Variants in NTM observed in about 807,000 individuals in gnomAD.
NTM encodes IgLON family member 2.
In NTM, 13 loss-of-function variants were observed where a neutral mutation model predicts 42.1. That is an observed-to-expected ratio of 0.31 (90% CI 0.20 to 0.49). The LOEUF (loss-of-function observed/expected upper bound fraction) is 0.49. Ranked by LOEUF, NTM falls within the 20% of genes least tolerant of loss-of-function variation. The pLI is 0.99. For missense variants in NTM, 373 were observed against 452.8 expected, an observed-to-expected ratio of 0.82 and a Z score of 1.60; for synonymous variants, 187 against 179.2, an observed-to-expected ratio of 1.04 and a Z score of -0.35.
intron 1 of NTM, among the ~76,000 whole-genome samples, chr11:131,665,726 C>T (rs1189547782): frequency 6.6e-6 from 1 of 152,176 alleles, no homozygotes; most frequent in Admixed American, 6.5e-5. Context: ...TCACAAAATG[C>T]ATTCATCTAG....
chr11:131,970,117 C>G (rs1162012946), intron 2 of NTM, among the ~76,000 whole-genome samples: 1 of 152,178 alleles, frequency 6.6e-6, no homozygotes, highest in Non-Finnish European at 1.5e-5. Flanking sequence ...GCTAATAATT[C>G]TTATATAAAG....
chr11:132,227,545 C>T (rs985003692), intron 4 of NTM, among the ~76,000 whole-genome samples: 1 of 151,724 alleles, frequency 6.6e-6, no homozygotes, highest in African/African-American at 2.4e-5. Context: ...CCTTTACTGG[C>T]TATTATTGCG....
At chr11:132,333,268 G>A (rs1325406669) in intron 8 of NTM, among the ~76,000 whole-genome samples, 1 of 152,148 alleles carries the variant, frequency 6.6e-6, no homozygotes, top group African/African-American at 2.4e-5. Flanking sequence ...CTCAGCCTCG[G>A]GCACAGACAA....
intron 2 of NTM, among the ~76,000 whole-genome samples, chr11:132,134,967 G>A (rs1222928572): frequency 6.6e-6 from 1 of 151,644 alleles, no homozygotes; most frequent in Non-Finnish European, 1.5e-5. Context: ...TTTCCATAGT[G>A]GTTGTATTTT....
At chr11:131,550,182 C>A (rs1281272046) in intron 1 of NTM, among the ~76,000 whole-genome samples, 2 of 152,212 alleles carry the variant, frequency 1.3e-5, no homozygotes, top group Non-Finnish European at 2.9e-5. Context: ...GTTCTGAACA[C>A]CTTACGTGAA....
At chr11:132,126,827 C>T (rs910921908) in intron 2 of NTM, among the ~76,000 whole-genome samples, 4 of 152,144 alleles carry the variant, frequency 2.6e-5, no homozygotes, top group Non-Finnish European at 4.4e-5. Context: ...CCAGCTGCCC[C>T]TCCTTTGCTG....
chr11:131,579,405 T>A (rs550432550), intron 1 of NTM, among the ~76,000 whole-genome samples: 15 of 152,330 alleles, frequency 9.8e-5, no homozygotes, highest in African/African-American at 3.6e-4. Flanking sequence ...ATTCAAGAGT[T>A]CTGCATTACT....
intron 2 of NTM, among the ~76,000 whole-genome samples, chr11:131,936,072 A>T (rs2059182880): frequency 6.6e-6 from 1 of 152,136 alleles, no homozygotes; most frequent in Admixed American, 6.5e-5. Flanking sequence ...GAATATCAAT[A>T]TAAAAATTGG....
chr11:131,489,312 T>C (rs1321629371), intron 1 of NTM, among the ~76,000 whole-genome samples: 4 of 152,218 alleles, frequency 2.6e-5, no homozygotes, highest in Admixed American at 6.5e-5. Context: ...CTCAAATGCC[T>C]CTTTTCACTT....
chr11:131,888,898 A>T (rs1267774937), intron 1 of NTM, among the ~76,000 whole-genome samples: 5 of 148,988 alleles, frequency 3.4e-5, no homozygotes, highest in African/African-American at 1.3e-4. Flanking sequence ...ATCTAGCTTT[A>T]TTCCTCTTTA....
intron 1 of NTM, among the ~76,000 whole-genome samples, chr11:131,526,914 G>A (rs1565602172): frequency 6.6e-6 from 1 of 152,190 alleles, no homozygotes; most frequent in African/African-American, 2.4e-5. Flanking sequence ...AAGACCCTTC[G>A]ATTTTTGAAG....
At chr11:131,763,286 T>C (rs1053500030) in intron 1 of NTM, among the ~76,000 whole-genome samples, 2 of 152,222 alleles carry the variant, frequency 1.3e-5, no homozygotes, top group African/African-American at 4.8e-5. Flanking sequence ...AATATTATGA[T>C]AACCCAACCA....
At chr11:131,417,161 C>T (rs1947045177) in intron 1 of NTM, among the ~76,000 whole-genome samples, 1 of 152,204 alleles carries the variant, frequency 6.6e-6, no homozygotes, top group Admixed American at 6.5e-5. Flanking sequence ...CTGACAACCT[C>T]ATGACAAGCA....
chr11:132,008,734 T>C (rs1332818612), intron 2 of NTM, among the ~76,000 whole-genome samples: 1 of 152,028 alleles, frequency 6.6e-6, no homozygotes, highest in Non-Finnish European at 1.5e-5. Flanking sequence ...GACTCCATGG[T>C]TTTTGTTTTT....
At chr11:131,381,789 C>T (rs1460794598) in intron 1 of NTM, among the ~76,000 whole-genome samples, 2 of 152,162 alleles carry the variant, frequency 1.3e-5, no homozygotes, top group African/African-American at 4.8e-5. Flanking sequence ...TTCTGGCTGC[C>T]TATCAGAATC....
intron 1 of NTM, among the ~76,000 whole-genome samples, chr11:131,716,712 C>A (rs1086219): frequency 0.16 from 24,554 of 152,132 alleles, 2,083 homozygotes; most frequent in South Asian, 0.22. Context: ...CATTGACTTG[C>A]TGTATCATCT....
At chr11:131,609,642 GC>G (rs1194404373) in intron 1 of NTM, among the ~76,000 whole-genome samples, 2 of 152,214 alleles carry the variant, frequency 1.3e-5, no homozygotes, top group Non-Finnish European at 2.9e-5. Context: ...TATCTCTGGT[GC>G]TTTTTGTATG....
chr11:131,521,170 C>T (rs1474494724), intron 1 of NTM, among the ~76,000 whole-genome samples: 4 of 151,262 alleles, frequency 2.6e-5, no homozygotes, highest in Non-Finnish European at 1.5e-5. Context: ...TAAAAATAAG[C>T]CGGGCATGGT....
intron 2 of NTM, among the ~76,000 whole-genome samples, chr11:132,026,744 G>C (rs1264824569): frequency 6.6e-6 from 1 of 152,180 alleles, no homozygotes; most frequent in East Asian, 1.9e-4. Context: ...TTGATTGGAG[G>C]AGAAGTGTTG....
Sources: allele counts gnomAD v4.1 joint callset (sites outside exome capture counted in the v4.1 genomes callset), GRCh38; gene constraint gnomAD v4.1.1; transcripts MANE v1.5; gene names NCBI Gene and HGNC (gene_info 2026-07-23, HGNC 2026-07-21).